Variants in NLRP5 observed in about 807,000 individuals in gnomAD.
NLRP5 encodes the protein NACHT, LRR and PYD domains-containing protein 5.
NLRP5 carries 93 observed loss-of-function variants against 113.1 expected under a neutral mutation model. The observed-to-expected ratio is 0.82, with a 90% CI of 0.70 to 0.98. The LOEUF (loss-of-function observed/expected upper bound fraction) is 0.98. Ranked by LOEUF, NLRP5 falls within the 50% of genes least tolerant of loss-of-function variation. The probability of loss-of-function intolerance (pLI) is 0.00; values close to 1 mark genes in which losing one functional copy is unlikely to be tolerated. For missense variants in NLRP5, 1,808 were observed against 1,514.3 expected (o/e 1.19, Z -3.22); for synonymous variants, 751 against 600.7 (o/e 1.25, Z -3.66).
rs771883472 is a variant in NLRP5, at chr19:56,028,156, G to A, written c.1923G>A (p.Val641=). ...TGAAGCGTTTCTTGTTTGGCCTCGT[G>A]AGCGAAGACGTAAGGAGGCCACTGG... The change falls in exon 7 of 15, where the codon GTG becomes GTA. Residue 641 remains valine (V), a synonymous_variant. Coordinates refer to ENST00000390649, the MANE Select transcript of NLRP5 (RefSeq NM_153447.4). The A allele has an allele frequency of 1.2e-6, 2 of 1,613,976 alleles. No individual in the cohort carries two copies. The highest frequency in any genetic ancestry group is 1.7e-6 in the Non-Finnish European group (2 of 1,179,878).
chr19:56,056,076 C>G (rs1461313228), intron 13 of NLRP5, among the ~76,000 whole-genome samples: 1 of 152,180 alleles, frequency 6.6e-6, no homozygotes, highest in South Asian at 2.1e-4. Flanking sequence ...TCGTTTTCCC[C>G]ACCACCTGAG....
At chr19:55,990,079 C>CTTTTTTCTTTTTTTTT in the NLRP5 span, among the ~76,000 whole-genome samples, 3 of 95,946 alleles carry the variant, frequency 3.1e-5, no homozygotes, top group Non-Finnish European at 6.0e-5. Context: ...TTTCTTTTTT[C>CTTTTTTCTTTTTTTTT]TTTTTTTTTT....
intron 3 of NLRP5, among the ~76,000 whole-genome samples, chr19:56,012,448 C>CT (rs60128070): frequency 0.062 from 8,456 of 136,032 alleles, 295 homozygotes; most frequent in African/African-American, 0.1. Context: ...GCGCCTTGGC[C>CT]TTTTTTTTTT....
rs554317461 is a variant in NLRP5 at position 56,008,988 on chromosome 19, C to T, written c.508+135C>T. The T allele has an allele frequency of 2.9e-4, 221 of 763,028 alleles. No individual in the cohort carries two copies. The African/African-American group carries it at 3.4e-3, about 12-fold the overall frequency. The allele number at this position is 763,028 out of a possible 1,614,324, so 47.3% of individuals were successfully genotyped here. A position where few individuals can be genotyped will look rare whatever the true frequency, so the allele number is the denominator to read the frequency against. On this transcript the variant is annotated intron_variant, in intron 3 of 14. Coordinates refer to ENST00000390649, the MANE Select transcript of NLRP5 (RefSeq NM_153447.4). ...AGTCTAACTACCCTACATTAGCTGA[C>T]CGGATGGGTTCTGAGGATCTGGTAA...
intron 9 of NLRP5, among the ~76,000 whole-genome samples, chr19:56,034,186 C>A (rs1445834964): frequency 1.3e-5 from 2 of 152,160 alleles, no homozygotes; most frequent in Non-Finnish European, 2.9e-5. Flanking sequence ...GTCAGGAGTT[C>A]AAGACCAGCC....
Position 56,050,295 on chromosome 19 carries a change from AAAAC to A in NLRP5, c.2958-119_2958-116del, listed in dbSNP as rs1325274021. On this transcript the variant is annotated intron_variant, in intron 11 of 14. Transcript: ENST00000390649. ...ACTCCTCAAAAAAAAAAAAGAAAAA[AAAAC>A]AAATATGACCCCACCCTACACAGAA... 4 of 940,012 alleles carry A rather than the reference AAAAC, an allele frequency of 4.3e-6. No homozygotes were observed. The African/African-American group carries it at 5.0e-5, about 12-fold the overall frequency. 58.2% of individuals were successfully genotyped at this position (940,012 alleles called of 1,614,324 possible). A position where few individuals can be genotyped will look rare whatever the true frequency, so the allele number is the denominator to read the frequency against.
Position 56,008,795 on chromosome 19 carries a change from A to T in NLRP5, c.450A>T (p.Ser150=). ...TTTTTCTTTGTCTTCCAGGACATTC[A>T]CCAGAAGATCCTGAAGCAACGATGA... The change falls in exon 3 of 15, where the codon TCA becomes TCT. Residue 150 remains serine, a synonymous_variant. Transcript: ENST00000390649. 1 of 1,610,066 alleles carries T rather than the reference A, an allele frequency of 6.2e-7. No homozygotes were observed. Among genetic ancestry groups the T allele is most frequent in the South Asian group, 1.1e-5 (1 of 90,070 alleles).
intron 3 of NLRP5, among the ~76,000 whole-genome samples, chr19:56,010,675 C>T (rs1157548236): frequency 7.1e-6 from 1 of 140,916 alleles, no homozygotes; most frequent in East Asian, 2.3e-4. Flanking sequence ...ATCACTTGAA[C>T]CCAGGAGGTA....
intron 3 of NLRP5, among the ~76,000 whole-genome samples, chr19:56,013,663 G>A (rs1311524802): frequency 7.9e-6 from 1 of 125,882 alleles, no homozygotes; most frequent in Non-Finnish European, 1.6e-5. Flanking sequence ...GTGTGTTTGT[G>A]TAGATGTGTT....
rs145089678 is a variant in NLRP5, at chr19:56,045,031, T to A, written c.2957+3939T>A. ...ATTCTCCGCTTGGTTGCTGTTGGTG[T>A]ATAGAACTATTGATTTGTGTACATT... On this transcript the variant is annotated intron_variant, in intron 11 of 14. Transcript: ENST00000390649. 3.8e-3 allele frequency among the ~76,000 whole-genome samples: 583 copies of A among 152,352 alleles called. 5 individuals carry two copies. Among genetic ancestry groups the A allele is most frequent in the African/African-American group, 0.013 (547 of 41,588 alleles).
At chr19:56,013,193 GTT>G (rs1227515069) in intron 3 of NLRP5, among the ~76,000 whole-genome samples, 1 of 151,884 alleles carries the variant, frequency 6.6e-6, no homozygotes, top group Non-Finnish European at 1.5e-5. Flanking sequence ...TAATGTTTTT[GTT>G]TTTTGTTTTT....
chr19:55,996,532 T>G (rs1981330733), upstream of NLRP5, among the ~76,000 whole-genome samples: 2 of 152,168 alleles, frequency 1.3e-5, no homozygotes, highest in Admixed American at 6.5e-5. Flanking sequence ...TTCCCCTTCC[T>G]GTGTTCAAGT....
At chr19:55,990,004 G>A in the NLRP5 span, among the ~76,000 whole-genome samples, 1 of 149,490 alleles carries the variant, frequency 6.7e-6, no homozygotes, top group Non-Finnish European at 1.5e-5. Context: ...CATCATTTTG[G>A]CTATTTACCT....
the NLRP5 span, chr19:55,987,917 G>A: frequency 3.6e-5 from 57 of 1,601,174 alleles, no homozygotes; most frequent in African/African-American, 4.0e-4. Context: ...TCCTTAGGCC[G>A]TCCAGTCATC....
intron 2 of NLRP5, among the ~76,000 whole-genome samples, chr19:56,006,742 A>G (rs182123973): frequency 6.7e-6 from 1 of 149,918 alleles, no homozygotes; most frequent in South Asian, 2.1e-4. Context: ...TAAAATAAAA[A>G]TTTTTTTTTG....
At chr19:56,054,464 A>C (rs1002178033) in intron 13 of NLRP5, among the ~76,000 whole-genome samples, 9 of 151,506 alleles carry the variant, frequency 5.9e-5, no homozygotes, top group Non-Finnish European at 1.2e-4. Flanking sequence ...AGGCTGAGGC[A>C]GGAGAATCAC....
At chr19:56,058,635 G>A (rs1369014603) in intron 14 of NLRP5, among the ~76,000 whole-genome samples, 1 of 152,166 alleles carries the variant, frequency 6.6e-6, no homozygotes, top group Non-Finnish European at 1.5e-5. Context: ...TTCACTTCTG[G>A]GTAGGTTGGG....
chr19:56,027,724 G>C lies in NLRP5; in HGVS notation c.1491G>C (p.Thr497=), dbSNP rs560793044. The change falls in exon 7 of 15, where the codon ACG becomes ACC. Residue 497 remains threonine, a synonymous_variant. Transcript: ENST00000390649. ...AGAGCGTCGCCCCCTTCAACCAAACGCTCACAGGCCTGCACGCCGCTTTTG... is the reference window on the plus strand; with the variant it reads ...AGAGCGTCGCCCCCTTCAACCAAACCCTCACAGGCCTGCACGCCGCTTTTG... 6.2e-7 allele frequency: 1 copy of C among 1,613,482 alleles called. No homozygotes were observed. The highest frequency in any genetic ancestry group is 1.3e-5 in the African/African-American group (1 of 74,854).
chr19:56,010,742 C>CCAAAAAAAAAAAAAAAAAAAAAAAA lies in NLRP5; in HGVS notation c.508+1889_508+1890insCAAAAAAAAAAAAAAAAAAAAAAAA, dbSNP rs1555764914. Among the ~76,000 whole-genome samples, 21 of 41,272 alleles carry CCAAAAAAAAAAAAAAAAAAAAAAAA rather than the reference C, an allele frequency of 5.1e-4. 2 individuals carry two copies. The highest frequency in any genetic ancestry group is 2.2e-3 in the African/African-American group (21 of 9,602). 27.1% of individuals were successfully genotyped at this position (41,272 alleles called of 152,430 possible). On this transcript the variant is annotated intron_variant, in intron 3 of 14. Coordinates refer to ENST00000390649, the MANE Select transcript of NLRP5 (RefSeq NM_153447.4). ...GGGAAACAAGAGCTTAACTCTGTCT[C>CCAAAAAAAAAAAAAAAAAAAAAAAA]AAAAAAAAAAAAAGTCCCTTGAAAC...
Sources: allele counts gnomAD v4.1 joint callset (sites outside exome capture counted in the v4.1 genomes callset), GRCh38; gene constraint gnomAD v4.1.1; transcripts MANE v1.5; gene names NCBI Gene and HGNC (gene_info 2026-07-23, HGNC 2026-07-21).